The following MLH3 variants were observed in gnomAD, a reference collection of about 807,000 sequenced individuals.
MLH3 encodes the protein DNA mismatch repair protein Mlh3.
MLH3 carries 82 observed loss-of-function variants against 122.2 expected under a neutral mutation model. The observed-to-expected ratio is 0.67, with a 90% CI of 0.56 to 0.81. The LOEUF is 0.81. Among genes scored for constraint, MLH3 ranks in the 30% least tolerant of loss-of-function variants. The pLI is 0.00. For synonymous variants in MLH3, 524 were observed against 599.5 expected (o/e 0.87, Z 1.84); for missense variants, 1,539 against 1,714.5 (o/e 0.90, Z 1.81).
At chr14:75,025,848 C>T (rs1176272535) in intron 9 of MLH3, among the ~76,000 whole-genome samples, 1 of 152,172 alleles carries the variant, frequency 6.6e-6, no homozygotes, top group East Asian at 1.9e-4. Context: ...CATCTGTGTC[C>T]CTTCTCTGTC....
Position 75,046,878 on chromosome 14 carries a change from C to T in MLH3, c.2778G>A (p.Lys926=). 6.2e-7 allele frequency: 1 copy of T among 1,614,014 alleles called. No individual in the cohort carries two copies. The highest frequency in any genetic ancestry group is 8.5e-7 in the Non-Finnish European group (1 of 1,180,004). Residue 926 remains lysine (K), a synonymous_variant, in exon 2 of 13, where the codon AAG becomes AAA. Transcript: ENST00000355774. ...TGACACCATTCTCTGTTTTTTCATGCTTGTTGTTAAATAACATACAAAAAT... is the reference window on the plus strand; with the variant it reads ...TGACACCATTCTCTGTTTTTTCATGTTTGTTGTTAAATAACATACAAAAAT... ...TQDFCMLFNN[K]HEKTENGVIP...
chr14:75,033,091 A>C (rs112391398), intron 7 of MLH3, among the ~76,000 whole-genome samples: 3 of 151,976 alleles, frequency 2.0e-5, no homozygotes, highest in African/African-American at 7.2e-5. Flanking sequence ...GGAGTGTGGG[A>C]AGGCATGCCA....
intron 2 of MLH3, among the ~76,000 whole-genome samples, chr14:75,045,106 G>C (rs1892119430): frequency 6.6e-6 from 1 of 152,184 alleles, no homozygotes; most frequent in Non-Finnish European, 1.5e-5. Context: ...GAGGCAGGTG[G>C]ATCACCTGAG....
Position 75,022,881 on chromosome 14 carries a change from G to A in MLH3, c.4023C>T (p.Thr1341=). The A allele has an allele frequency of 6.2e-7, 1 of 1,614,110 alleles. No individual in the cohort carries two copies. The highest frequency in any genetic ancestry group is 1.1e-5 in the South Asian group (1 of 91,076). Residue 1341 remains threonine (T), a synonymous_variant, in exon 11 of 13, where the codon ACC becomes ACT. Coordinates refer to ENST00000355774, the MANE Select transcript of MLH3 (RefSeq NM_001040108.2). ...FIREQLELLQ[T]TGGIQGTLPL... ...GCAATGTCCCTTGGATGCCTCCGGT[G>A]GTCTGGAGTAGCTAATGCATAAACA...
rs1383607570 is a variant in MLH3, at chr14:75,048,729, A to G, written c.927T>C (p.Asn309=). 2 of 1,614,032 alleles carry G rather than the reference A, an allele frequency of 1.2e-6. No homozygotes were observed. The highest frequency in any genetic ancestry group is 2.2e-5 in the East Asian group (1 of 44,890). ...TPELYGIYVI[N]VQCQFCEYDV... ...CATACTCACAGAATTGGCACTGCAC[A>G]TTAATTACATATATGCCATAGAGTT... Residue 309 remains asparagine (N), a synonymous_variant, in exon 2 of 13, where the codon AAT becomes AAC. Coordinates refer to ENST00000355774, the MANE Select transcript of MLH3 (RefSeq NM_001040108.2).
chr14:75,038,210 C>T (rs28757016), intron 6 of MLH3, 130 bp downstream of exon 6: 1 of 730,760 alleles, frequency 1.4e-6, no homozygotes, highest in South Asian at 1.5e-5. Flanking sequence ...TCATAATATT[C>T]TTAGTTTTAG....
intron 9 of MLH3, among the ~76,000 whole-genome samples, chr14:75,024,807 G>A (rs1049980907): frequency 1.3e-5 from 2 of 152,040 alleles, no homozygotes; most frequent in African/African-American, 2.4e-5. Flanking sequence ...CTCCTTAACA[G>A]TAGTCTTTTA....
At position 75,049,718 on chromosome 14, in the gene MLH3, C is replaced by T; in HGVS notation, c.-63G>A. 6.5e-7 allele frequency: 1 copy of T among 1,529,420 alleles called. No homozygotes were observed. Among genetic ancestry groups the T allele is most frequent in the Non-Finnish European group, 8.9e-7 (1 of 1,119,574 alleles). The allele number at this position is 1,529,420 out of a possible 1,614,324, so 94.7% of individuals were successfully genotyped here. ...TTCCTTCTCTGACTGGAAATAATTGCCTATTGGAGAAAAAAACCACACACG... is the reference window on the plus strand; with the variant it reads ...TTCCTTCTCTGACTGGAAATAATTGTCTATTGGAGAAAAAAACCACACACG... On this transcript the variant is annotated splice_region_variant and 5_prime_UTR_variant, in exon 2 of 13. Coordinates refer to ENST00000355774, the MANE Select transcript of MLH3 (RefSeq NM_001040108.2).
chr14:75,027,160 C>T (rs113217920), intron 9 of MLH3, among the ~76,000 whole-genome samples: 2,989 of 151,466 alleles, frequency 0.02, 60 homozygotes, highest in African/African-American at 0.047. Context: ...TTTCAAAATG[C>T]GGGGGGGATA....
Position 75,048,743 on chromosome 14 carries a change from T to C in MLH3, c.913A>G (p.Ile305Val). 3.1e-6 allele frequency: 5 copies of C among 1,614,142 alleles called. No homozygotes were observed. Among genetic ancestry groups the C allele is most frequent in the Non-Finnish European group, 4.2e-6 (5 of 1,180,006 alleles). The change falls in exon 2 of 13, where the codon ATA (isoleucine) becomes GTA (valine). Residue 305 changes from isoleucine to valine, a missense_variant. Ile to Val is a conservative substitution (Grantham distance 29). Coordinates refer to ENST00000355774, the MANE Select transcript of MLH3 (RefSeq NM_001040108.2). ...RHRSTPELYGIYVINVQCQFC... is the reference protein window; with the variant it reads ...RHRSTPELYGVYVINVQCQFC... Reference sequence around the variant, plus strand: ...TGGCACTGCACATTAATTACATATATGCCATAGAGTTCTGGGGTAGACCGG... The same window carrying C: ...TGGCACTGCACATTAATTACATATACGCCATAGAGTTCTGGGGTAGACCGG...
In MLH3 at chr14:75,049,473, C is replaced by T; in HGVS notation, c.183G>A (p.Met61Ile). Residue 61 changes from methionine to isoleucine, a missense_variant, in exon 2 of 13, where the codon ATG becomes ATA. Physicochemically the swap from Met to Ile is conservative, Grantham distance 10. Coordinates refer to ENST00000355774, the MANE Select transcript of MLH3 (RefSeq NM_001040108.2). ...CCACTTTCTCTACATCATCACTCCC[C>T]ATCCCAAATCCATTGTCTATCACTT... ...QVQVIDNGFG[M>I]GSDDVEKVGN... is the part of the protein sequence containing the mutation. 1 of 1,614,154 alleles carries T rather than the reference C, an allele frequency of 6.2e-7. No individual in the cohort carries two copies. The highest frequency in any genetic ancestry group is 1.3e-5 in the African/African-American group (1 of 75,040).
At chr14:75,033,514 T>C in intron 6 of MLH3, 24 bp from the exon 7 acceptor site, 1 of 1,599,566 alleles carries the variant, frequency 6.3e-7, no homozygotes, top group South Asian at 1.1e-5. Flanking sequence ...GATTGTGAAC[T>C]TTGATTCTCA....
intron 11 of MLH3, 65 bp downstream of exon 11, chr14:75,022,749 C>A: frequency 1.4e-6 from 2 of 1,421,052 alleles, no homozygotes; most frequent in South Asian, 2.3e-5. Context: ...CTTTTGTAAT[C>A]CCGGCAGCCC....
Position 75,048,971 on chromosome 14 carries a change from TA to T in MLH3, c.684del (p.Phe228LeufsTer27). 6.2e-7 allele frequency: 1 copy of T among 1,613,668 alleles called. No homozygotes were observed. On this transcript the variant is annotated frameshift_variant, in exon 2 of 13. Transcript: ENST00000355774. LOFTEE classifies it high-confidence loss of function. Reference protein sequence around the residue: ...GKSQKLREISFKYKEFELSGY... With the variant: ...GKSQKLREISXKYKEFELSGY... ...CCACTAAGCTCAAACTCTTTATATTTAAAACTTATTTCTCTTAGCTTTTGGG... is the reference window on the plus strand; with the variant it reads ...CCACTAAGCTCAAACTCTTTATATTTAAACTTATTTCTCTTAGCTTTTGGG...
chr14:75,037,615 A>G (rs912068156), intron 6 of MLH3, among the ~76,000 whole-genome samples: 3 of 152,328 alleles, frequency 2.0e-5, no homozygotes, highest in Admixed American at 6.5e-5. Flanking sequence ...AAGGGAAAAC[A>G]TGAAAATATT....
At position 75,041,645 on chromosome 14, in the gene MLH3, C is replaced by T. The variant is rs748067351; in HGVS notation, c.3435G>A (p.Trp1145Ter). The stretch of plus-strand genomic sequence containing the variant: ...GATAACGGGCAAATACTGGATTGTC[C>T]CATTCTGAGAACAAAGACTGAAGCG... ...SESLQSLFSEWDNPVFARYPE... is the reference protein window; with the variant it reads ...SESLQSLFSE Residue 1145 changes from tryptophan to a stop codon, truncating the protein, a stop_gained, in exon 4 of 13, where the codon TGG becomes TGA. Transcript: ENST00000355774. LOFTEE classifies it high-confidence loss of function. The T allele has an allele frequency of 6.2e-7, 1 of 1,613,888 alleles. No individual in the cohort carries two copies. Among genetic ancestry groups the T allele is most frequent in the South Asian group, 1.1e-5 (1 of 91,074 alleles).
At chr14:75,022,916 C>A (rs1230822776) in intron 10 of MLH3, 24 bp from the exon 11 acceptor site, 1 of 1,613,954 alleles carries the variant, frequency 6.2e-7, no homozygotes, top group Non-Finnish European at 8.5e-7. Context: ...ACGTTATTAA[C>A]AGGAAAAGAA....
At chr14:75,017,971 C>T (rs370113134) in intron 12 of MLH3, among the ~76,000 whole-genome samples, 3,370 of 112,746 alleles carry the variant, frequency 0.03, 71 homozygotes, top group South Asian at 0.059. Context: ...CATGGAGAAA[C>T]GCTGTCTCTA....
intron 2 of MLH3, among the ~76,000 whole-genome samples, chr14:75,044,396 C>A (rs1257695286): frequency 1.3e-5 from 2 of 152,160 alleles, no homozygotes; most frequent in African/African-American, 4.8e-5. Context: ...GCTAAGATTT[C>A]CCCCTTTCTT....
Sources: gnomAD v4.1 joint callset for allele counts (sites outside exome capture counted in the v4.1 genomes callset) on GRCh38, gnomAD v4.1.1 for gene constraint, MANE v1.5 for transcripts, NCBI Gene and HGNC (gene_info 2026-07-23, HGNC 2026-07-21) for gene names.